ZNF599: variants seen among roughly 807,000 people sequenced by gnomAD.
ZNF599 encodes zinc finger protein 599.
In ZNF599, 10 loss-of-function variants were observed where a neutral mutation model predicts 11.7. The observed-to-expected ratio is 0.86, with a 90% CI of 0.53 to 1.45. The LOEUF is 1.45. Ranked by LOEUF, ZNF599 falls within the 40% of genes most tolerant of loss-of-function variation. The pLI, the probability that ZNF599 is intolerant of heterozygous loss-of-function variation, is 0.00. For missense variants in ZNF599, 688 were observed against 713.6 expected (o/e 0.96, Z 0.41); for synonymous variants, 232 against 253.2 (o/e 0.92, Z 0.79).
At chr19:34,796,245 AC>A in the ZNF599 span, among the ~76,000 whole-genome samples, 1 of 151,930 alleles carries the variant, frequency 6.6e-6, no homozygotes, top group Non-Finnish European at 1.5e-5. Context: ...GGACAGGTAT[AC>A]CCAACTAGTG....
upstream of ZNF599, among the ~76,000 whole-genome samples, chr19:34,777,340 ATATAT>A (rs1277238507): frequency 4.7e-5 from 2 of 42,478 alleles, no homozygotes; most frequent in African/African-American, 1.1e-4. Context: ...TTATATATTA[ATATAT>A]TATATATTAT....
At chr19:34,776,614 A>C (rs2069217653), upstream of ZNF599, among the ~76,000 whole-genome samples, 2 of 152,234 alleles carry the variant, frequency 1.3e-5, no homozygotes. Context: ...ATCACAACTA[A>C]CCAAATTCCT....
intron 3 of ZNF599, chr19:34,762,968 A>C (rs2069121080): frequency 6.6e-6 from 1 of 152,216 alleles, no homozygotes; most frequent in African/African-American, 2.4e-5. Flanking sequence ...AAGATAAAGT[A>C]GGCAAATATT....
chr19:34,776,873 G>A (rs150321109), upstream of ZNF599, among the ~76,000 whole-genome samples: 625 of 152,182 alleles, frequency 4.1e-3, 6 homozygotes, highest in African/African-American at 0.013. Context: ...ATTAAGGGGC[G>A]GTTTATGCAG....
At position 34,772,933 on chromosome 19, in the gene ZNF599, G is replaced by C; in HGVS notation, c.-92C>G. 1 of 1,343,462 alleles carries C rather than the reference G, an allele frequency of 7.4e-7. No homozygotes were observed. Among genetic ancestry groups the C allele is most frequent in the Non-Finnish European group, 9.6e-7 (1 of 1,037,116 alleles). The allele number at this position is 1,343,462 out of a possible 1,614,324, so 83.2% of individuals were successfully genotyped here. On this transcript the variant is annotated 5_prime_UTR_variant, in exon 1 of 4. Transcript: ENST00000329285. The stretch of plus-strand genomic sequence containing the variant: ...CCCGGGCTCCGGCTCTGGGCTGCGA[G>C]GGACCTCAGTCCCCGCCGTCGTGTA...
upstream of ZNF599, among the ~76,000 whole-genome samples, chr19:34,775,349 G>T (rs1308393259): frequency 1.3e-5 from 2 of 152,142 alleles, no homozygotes; most frequent in African/African-American, 2.4e-5. Flanking sequence ...ATACAATACA[G>T]CATGGAGGAA....
At position 34,758,302 on chromosome 19, in the gene ZNF599, C is replaced by T. The variant is rs1036922457; in HGVS notation, c.*732G>A. 6.6e-6 allele frequency: 1 copy of T among 152,186 alleles called. No individual in the cohort carries two copies. The highest frequency in any genetic ancestry group is 1.5e-5 in the Non-Finnish European group (1 of 68,048). 9.4% of individuals were successfully genotyped at this position (152,186 alleles called of 1,614,324 possible). On this transcript the variant is annotated 3_prime_UTR_variant, in exon 4 of 4. Transcript: ENST00000329285. The stretch of plus-strand genomic sequence containing the variant: ...AGTGTGCACAGAAAATTCACAGAAC[C>T]TAACTACCACGAGTAACAATTCACT...
the ZNF599 span, among the ~76,000 whole-genome samples, chr19:34,791,327 C>G: frequency 6.6e-6 from 1 of 152,188 alleles, no homozygotes; most frequent in Non-Finnish European, 1.5e-5. Flanking sequence ...GCCAAGAAAG[C>G]TTTAAATTGA....
chr19:34,781,273 AGAAAGAAC>A, the ZNF599 span, among the ~76,000 whole-genome samples: 1 of 152,210 alleles, frequency 6.6e-6, no homozygotes, highest in Non-Finnish European at 1.5e-5. Flanking sequence ...GAAAGAGAGA[AGAAAGAAC>A]GAAAGAAAGA....
chr19:34,800,591 T>TG, the ZNF599 span, among the ~76,000 whole-genome samples: 1 of 146,050 alleles, frequency 6.8e-6, no homozygotes, highest in Admixed American at 6.8e-5. Context: ...CCTTTGTTTT[T>TG]TTTTTTTTTT....
intron 1 of ZNF599, chr19:34,772,239 C>T (rs2069187611): frequency 1.2e-6 from 1 of 857,444 alleles, no homozygotes; most frequent in Admixed American, 6.2e-5. Flanking sequence ...GGCGGCAAGC[C>T]AGATTCATTT....
At chr19:34,769,346 A>G in intron 2 of ZNF599, 83 bp downstream of exon 2, 2 of 1,599,090 alleles carry the variant, frequency 1.3e-6, no homozygotes, top group Non-Finnish European at 8.6e-7. Flanking sequence ...TTGGGTTCTG[A>G]GGCTCCTGGA....
chr19:34,803,495 G>A, the ZNF599 span, among the ~76,000 whole-genome samples: 3 of 152,200 alleles, frequency 2.0e-5, no homozygotes, highest in African/African-American at 7.2e-5. Context: ...TGTTATGATA[G>A]GGACAGATGA....
the ZNF599 span, among the ~76,000 whole-genome samples, chr19:34,797,922 T>A: frequency 3.9e-5 from 6 of 152,144 alleles, no homozygotes; most frequent in African/African-American, 1.4e-4. Flanking sequence ...TATAGCCCTA[T>A]CTTATCCGTA....
the ZNF599 span, among the ~76,000 whole-genome samples, chr19:34,785,299 C>T: frequency 6.6e-6 from 1 of 152,126 alleles, no homozygotes; most frequent in Non-Finnish European, 1.5e-5. Context: ...TTTGGTTTAG[C>T]GAACACCACT....
At chr19:34,782,098 C>T in the ZNF599 span, among the ~76,000 whole-genome samples, 7 of 152,204 alleles carry the variant, frequency 4.6e-5, no homozygotes, top group African/African-American at 1.7e-4. Context: ...CTTCCTACTT[C>T]CCAAGGCCAA....
upstream of ZNF599, among the ~76,000 whole-genome samples, chr19:34,777,509 T>TAATATATTATATATAAATATATA (rs1568497153): frequency 6.1e-4 from 68 of 112,186 alleles, no homozygotes; most frequent in African/African-American, 2.3e-3. Context: ...ATTAATATAT[T>TAATATATTATATATAAATATATA]ATATATTAAT....
At chr19:34,784,740 C>T in the ZNF599 span, among the ~76,000 whole-genome samples, 2 of 151,938 alleles carry the variant, frequency 1.3e-5, no homozygotes, top group Non-Finnish European at 2.9e-5. Flanking sequence ...CCTCAACATC[C>T]ATCTCGAATC....
chr19:34,782,721 G>C, the ZNF599 span, among the ~76,000 whole-genome samples: 2 of 152,220 alleles, frequency 1.3e-5, no homozygotes, highest in African/African-American at 4.8e-5. Context: ...CAGGTCACTA[G>C]GGAAGATGTG....
Sources: allele counts gnomAD v4.1 joint callset (sites outside exome capture counted in the v4.1 genomes callset), GRCh38; gene constraint gnomAD v4.1.1; transcripts MANE v1.5; gene names NCBI Gene and HGNC (gene_info 2026-07-23, HGNC 2026-07-21).